The following CENPW variants were observed in gnomAD, a reference collection of about 807,000 sequenced individuals.
CENPW encodes cancer-up-regulated gene 2 protein.
Under a neutral mutation model 11.1 loss-of-function variants are expected in CENPW, and 3 were observed. The observed-to-expected ratio is 0.27, with a 90% CI of 0.12 to 0.70. The LOEUF (loss-of-function observed/expected upper bound fraction) is 0.70, where lower values mean the gene tolerates loss of function less well. Among genes scored for constraint, CENPW ranks in the 30% least tolerant of loss-of-function variants. The probability of loss-of-function intolerance (pLI) is 0.77; values close to 1 mark genes in which losing one functional copy is unlikely to be tolerated. For synonymous variants in CENPW, 38 were observed against 42.0 expected (o/e 0.91, Z 0.37); for missense variants, 100 against 105.6 (o/e 0.95, Z 0.23).
At chr6:126,419,339 T>TA in the CENPW span, among the ~76,000 whole-genome samples, 1 of 152,162 alleles carries the variant, frequency 6.6e-6, no homozygotes. Flanking sequence ...GTTTGATGTC[T>TA]AGGGAGATAA....
the CENPW span, among the ~76,000 whole-genome samples, chr6:126,439,799 T>C: frequency 6.6e-6 from 1 of 151,626 alleles, no homozygotes; most frequent in Non-Finnish European, 1.5e-5. Context: ...ATAGCCAAGA[T>C]CATGGTATTC....
the CENPW span, among the ~76,000 whole-genome samples, chr6:126,458,121 T>C: frequency 6.6e-6 from 1 of 151,392 alleles, no homozygotes; most frequent in Admixed American, 6.6e-5. Context: ...GGGTATACTT[T>C]TGGCTTTCTT....
chr6:126,426,982 C>G, the CENPW span, among the ~76,000 whole-genome samples: 3 of 152,132 alleles, frequency 2.0e-5, no homozygotes, highest in African/African-American at 7.2e-5. Context: ...AATTTGTCAC[C>G]TGATTTGTTT....
chr6:126,376,942 A>G, the CENPW span, among the ~76,000 whole-genome samples: 4 of 152,116 alleles, frequency 2.6e-5, no homozygotes, highest in African/African-American at 9.7e-5. Context: ...CTCTGAGATG[A>G]ATTCATCCTG....
At chr6:126,346,415 G>A (rs1437577145) in intron 2 of CENPW, 97 bp downstream of exon 2, 1 of 572,052 alleles carries the variant, frequency 1.7e-6, no homozygotes, top group African/African-American at 1.9e-5. Flanking sequence ...ACTCAGCTTT[G>A]TTGATTGAGT....
the CENPW span, among the ~76,000 whole-genome samples, chr6:126,409,414 T>C: frequency 6.6e-6 from 1 of 152,130 alleles, no homozygotes; most frequent in East Asian, 1.9e-4. Context: ...TTGGATGAAA[T>C]GCTTTGTAAA....
At chr6:126,379,835 T>C in the CENPW span, among the ~76,000 whole-genome samples, 1 of 152,234 alleles carries the variant, frequency 6.6e-6, no homozygotes, top group African/African-American at 2.4e-5. Flanking sequence ...ATGAAAAGTA[T>C]AATCTTTGAC....
At chr6:126,368,098 T>C in the CENPW span, among the ~76,000 whole-genome samples, 1 of 152,220 alleles carries the variant, frequency 6.6e-6, no homozygotes, top group Non-Finnish European at 1.5e-5. Flanking sequence ...TCTTTCTGTT[T>C]CTCAGTCTTT....
chr6:126,460,786 G>T, the CENPW span, among the ~76,000 whole-genome samples: 1 of 151,772 alleles, frequency 6.6e-6, no homozygotes, highest in Non-Finnish European at 1.5e-5. Context: ...TCAAGGGTGG[G>T]AAATGGTCTG....
chr6:126,369,940 T>G, the CENPW span, among the ~76,000 whole-genome samples: 1 of 152,206 alleles, frequency 6.6e-6, no homozygotes, highest in African/African-American at 2.4e-5. Flanking sequence ...CCATCTTGAG[T>G]TGATTTTTGT....
At chr6:126,447,301 C>G in the CENPW span, among the ~76,000 whole-genome samples, 1 of 151,028 alleles carries the variant, frequency 6.6e-6, no homozygotes, top group Admixed American at 6.6e-5. Flanking sequence ...GTAAAGAATC[C>G]AAGCACAATT....
chr6:126,458,055 G>A, the CENPW span, among the ~76,000 whole-genome samples: 4 of 151,168 alleles, frequency 2.6e-5, no homozygotes, highest in Admixed American at 2.6e-4. Flanking sequence ...TCATCTCACT[G>A]TCTTCTATTT....
intron 2 of CENPW, among the ~76,000 whole-genome samples, chr6:126,347,982 A>G (rs1190011182): frequency 2.0e-5 from 3 of 151,948 alleles, no homozygotes; most frequent in African/African-American, 7.2e-5. Flanking sequence ...ATTCCAGTCC[A>G]ACTATAAGAA....
chr6:126,363,732 A>G, the CENPW span, among the ~76,000 whole-genome samples: 16 of 152,224 alleles, frequency 1.1e-4, no homozygotes, highest in Non-Finnish European at 2.2e-4. Flanking sequence ...AGTGCTAAGT[A>G]TTTAAACTCA....
At chr6:126,361,499 G>C in the CENPW span, among the ~76,000 whole-genome samples, 3 of 152,152 alleles carry the variant, frequency 2.0e-5, no homozygotes, top group Non-Finnish European at 4.4e-5. Flanking sequence ...GTTTCACCGT[G>C]TTAGCCAGGA....
the CENPW span, among the ~76,000 whole-genome samples, chr6:126,442,953 A>G: frequency 6.6e-6 from 1 of 151,190 alleles, no homozygotes; most frequent in Non-Finnish European, 1.5e-5. Context: ...CTAAATTTCT[A>G]TTTGATCACT....
At chr6:126,356,675 C>T in the CENPW span, among the ~76,000 whole-genome samples, 1 of 152,014 alleles carries the variant, frequency 6.6e-6, no homozygotes, top group Admixed American at 6.5e-5. Flanking sequence ...ATTTGCATTT[C>T]TTTGATGATT....
chr6:126,379,932 C>T, the CENPW span, among the ~76,000 whole-genome samples: 1 of 152,102 alleles, frequency 6.6e-6, no homozygotes, highest in African/African-American at 2.4e-5. Context: ...ATAAAGTTCC[C>T]ATAAATTGTC....
the CENPW span, among the ~76,000 whole-genome samples, chr6:126,445,433 C>T: frequency 6.6e-6 from 1 of 151,118 alleles, no homozygotes; most frequent in Admixed American, 6.6e-5. Flanking sequence ...AACCAGTAAT[C>T]GGTTTATTCT....
Sources: gnomAD v4.1 joint callset for allele counts (sites outside exome capture counted in the v4.1 genomes callset) on GRCh38, gnomAD v4.1.1 for gene constraint, MANE v1.5 for transcripts, NCBI Gene and HGNC (gene_info 2026-07-23, HGNC 2026-07-21) for gene names.